Variants in COL14A1 observed in about 807,000 individuals in gnomAD.
COL14A1 encodes the protein collagen type XIV alpha 1 chain.
COL14A1 carries 136 observed loss-of-function variants against 230.3 expected under a neutral mutation model. The ratio of observed to expected loss-of-function variants is 0.59; its 90% CI spans 0.51 to 0.68. The LOEUF (loss-of-function observed/expected upper bound fraction) is 0.68, where lower values mean the gene tolerates loss of function less well. Ranked by LOEUF, COL14A1 falls within the 30% of genes least tolerant of loss-of-function variation. The pLI is 0.00. For synonymous variants in COL14A1, 792 were observed against 784.1 expected (o/e 1.01, Z -0.17); for missense variants, 1,976 against 2,215.8 (o/e 0.89, Z 2.17).
chr8:120,256,765 G>C (rs1157093660), intron 23 of COL14A1, among the ~76,000 whole-genome samples: 1 of 152,160 alleles, frequency 6.6e-6, no homozygotes, highest in Admixed American at 6.5e-5. Flanking sequence ...TAATATGGAA[G>C]GGTTGGCATT....
chr8:120,333,181 C>T (rs1821929769), intron 42 of COL14A1, among the ~76,000 whole-genome samples: 1 of 152,220 alleles, frequency 6.6e-6, no homozygotes, highest in African/African-American at 2.4e-5. Flanking sequence ...CACACACTCA[C>T]ACATAAGTGA....
intron 14 of COL14A1, among the ~76,000 whole-genome samples, chr8:120,224,323 C>A (rs1186751970): frequency 6.6e-6 from 1 of 152,024 alleles, no homozygotes; most frequent in African/African-American, 2.4e-5. Flanking sequence ...TCGTGTAGCA[C>A]AATATCTAAT....
At position 120,226,687 on chromosome 8, in the gene COL14A1, T is replaced by C. The variant is rs1485911360; in HGVS notation, c.1925T>C (p.Val642Ala). Residue 642 changes from valine (V) to alanine (A), a missense_variant, in exon 16 of 48, where the codon GTG becomes GCG. By Grantham distance (64) the Val-to-Ala change is moderately conservative. Around this residue, in one of 3 missense-constraint regions of COL14A1, gnomAD observed 1,791 missense variants for 2,019.5 expected, o/e 0.89. Coordinates refer to ENST00000297848, the MANE Select transcript of COL14A1 (RefSeq NM_021110.4). ...IDEVTTDSFR[V>A]TWHPLSADEG... ...GAGGTGACGACAGACAGTTTTAGGGTGACCTGGCATCCCCTCTCAGCTGAT... is the reference window on the plus strand; with the variant it reads ...GAGGTGACGACAGACAGTTTTAGGGCGACCTGGCATCCCCTCTCAGCTGAT... 1 of 1,613,884 alleles carries C rather than the reference T, an allele frequency of 6.2e-7. No individual in the cohort carries two copies. Among genetic ancestry groups the C allele is most frequent in the African/African-American group, 1.3e-5 (1 of 75,020 alleles).
Position 120,310,071 on chromosome 8 carries a change from C to T in COL14A1, c.4455+9C>T, listed in dbSNP as rs367953428. On this transcript the variant is annotated intron_variant, in intron 37 of 47. Transcript: ENST00000297848. ...GTGAACCGGGTCCAAAGGTAATGCG[C>T]ATGTTTTCTCTCTCTCTCTGTCTCA... The T allele has an allele frequency of 4.3e-6, 7 of 1,612,754 alleles. No individual in the cohort carries two copies. The highest frequency in any genetic ancestry group is 4.0e-5 in the African/African-American group (3 of 75,000).
intron 18 of COL14A1, among the ~76,000 whole-genome samples, chr8:120,230,813 G>A (rs1003476172): frequency 7.9e-5 from 12 of 152,124 alleles, no homozygotes; most frequent in Non-Finnish European, 1.2e-4. Context: ...ATGGACAAAG[G>A]GAAATGAAGT....
intron 25 of COL14A1, among the ~76,000 whole-genome samples, chr8:120,269,319 A>C (rs1470482860): frequency 2.0e-5 from 3 of 151,784 alleles, no homozygotes; most frequent in Non-Finnish European, 4.4e-5. Flanking sequence ...TGTTCTCAGT[A>C]GAGTAGGTTT....
At chr8:120,154,530 A>G (rs996774559) in intron 2 of COL14A1, among the ~76,000 whole-genome samples, 5 of 152,140 alleles carry the variant, frequency 3.3e-5, no homozygotes, top group African/African-American at 9.7e-5. Flanking sequence ...CTTCCCCCTC[A>G]GTCTCCCTTT....
At chr8:120,274,956 A>T (rs1243641362) in intron 26 of COL14A1, among the ~76,000 whole-genome samples, 1 of 148,146 alleles carries the variant, frequency 6.8e-6, no homozygotes, top group African/African-American at 2.5e-5. Flanking sequence ...TCCTATACAA[A>T]TATCAACATC....
chr8:120,214,751 A>T (rs1817698836), intron 13 of COL14A1, among the ~76,000 whole-genome samples: 1 of 145,360 alleles, frequency 6.9e-6, no homozygotes, highest in Non-Finnish European at 1.5e-5. Context: ...GGGGAGAGAG[A>T]CAATAAGCCA....
chr8:120,227,703 A>G (rs1358037581), intron 17 of COL14A1, among the ~76,000 whole-genome samples: 1 of 152,192 alleles, frequency 6.6e-6, no homozygotes, highest in Admixed American at 6.5e-5. Context: ...TAATTTACAA[A>G]TGAATAGATT....
chr8:120,129,806 G>A (rs116366442), intron 1 of COL14A1, among the ~76,000 whole-genome samples: 1,590 of 152,234 alleles, frequency 0.01, 28 homozygotes, highest in African/African-American at 0.036. Flanking sequence ...CATTAACTGC[G>A]AGCTGTACAC....
chr8:120,158,025 G>T (rs1815537645), intron 2 of COL14A1, 105 bp from the exon 3 acceptor site: 1 of 619,114 alleles, frequency 1.6e-6, no homozygotes, highest in East Asian at 2.9e-5. Context: ...TGAGGCTGAT[G>T]AAGTCTTTTG....
In COL14A1 at chr8:120,194,029, C is replaced by T. The variant is rs139215699; in HGVS notation, c.437-2762C>T. 4.6e-3 allele frequency among the ~76,000 whole-genome samples: 697 copies of T among 152,330 alleles called. 5 individuals carry two copies. The highest frequency in any genetic ancestry group is 0.013 in the African/African-American group (550 of 41,574). On this transcript the variant is annotated intron_variant, in intron 5 of 47. Transcript: ENST00000297848. ...GGTGAGGCAATGCCTCGCCCTGCTT[C>T]GGCTCGCGCACGGTGCGCTGCACCC...
chr8:120,143,618 G>A (rs1814991865), intron 1 of COL14A1, among the ~76,000 whole-genome samples: 2 of 152,020 alleles, frequency 1.3e-5, no homozygotes, highest in Non-Finnish European at 2.9e-5. Flanking sequence ...GCAACAGAGC[G>A]AGACTCCATC....
rs1402828586 is a variant in COL14A1 at position 120,280,953 on chromosome 8, G to A, written c.3718G>A (p.Glu1240Lys). ...GATGATGGAAATGTTTGGTTTGGTT[G>A]AAAAAGATTTTTCATCAGTGGAAGG... ...FKMMEMFGLVEKDFSSVEGVS... is the reference protein window; with the variant it reads ...FKMMEMFGLVKKDFSSVEGVS... The change falls in exon 31 of 48, where the codon GAA becomes AAA. Residue 1240 changes from glutamate to lysine, a missense_variant. Physicochemically the swap from Glu to Lys is moderately conservative, Grantham distance 56. Around this residue, in one of 3 missense-constraint regions of COL14A1, gnomAD observed 1,791 missense variants for 2,019.5 expected, o/e 0.89. Transcript: ENST00000297848. 2 of 1,596,592 alleles carry A rather than the reference G, an allele frequency of 1.3e-6. No homozygotes were observed. Among genetic ancestry groups the A allele is most frequent in the Non-Finnish European group, 1.7e-6 (2 of 1,169,100 alleles).
At position 120,194,091 on chromosome 8, in the gene COL14A1, G is replaced by C. The variant is rs534775084; in HGVS notation, c.437-2700G>C. Reference sequence around the variant, plus strand: ...CCCACTGTCCGGCACTCCCTAGTGGGATGAACCCGGTACCTCAGATGGAAA... The same window carrying C: ...CCCACTGTCCGGCACTCCCTAGTGGCATGAACCCGGTACCTCAGATGGAAA... On this transcript the variant is annotated intron_variant, in intron 5 of 47. Transcript: ENST00000297848. Among the ~76,000 whole-genome samples the C allele has an allele frequency of 1.2e-4, 18 of 152,304 alleles. No homozygotes were observed. In the South Asian group the frequency reaches 3.7e-3, roughly 32 times the overall value.
At chr8:120,307,600 T>C (rs1326742022) in intron 36 of COL14A1, among the ~76,000 whole-genome samples, 4 of 152,112 alleles carry the variant, frequency 2.6e-5, no homozygotes, top group African/African-American at 9.7e-5. Flanking sequence ...AATGGAAAAC[T>C]GAGTAAAGTA....
At chr8:120,200,589 AC>A (rs1317308062) in intron 8 of COL14A1, among the ~76,000 whole-genome samples, 1 of 150,782 alleles carries the variant, frequency 6.6e-6, no homozygotes, top group African/African-American at 2.4e-5. Flanking sequence ...TTAAAACCAT[AC>A]CCAGTTCTGT....
At chr8:120,315,882 G>A in intron 39 of COL14A1, 62 bp from the exon 40 acceptor site, 4 of 1,549,610 alleles carry the variant, frequency 2.6e-6, no homozygotes, top group Non-Finnish European at 3.6e-6. Context: ...TTTCAGGGAA[G>A]CTGCGTGAGC....
Sources: allele counts gnomAD v4.1 joint callset (sites outside exome capture counted in the v4.1 genomes callset), GRCh38; gene constraint gnomAD v4.1.1; regional missense constraint gnomAD v4.1.1; transcripts MANE v1.5; gene names NCBI Gene and HGNC (gene_info 2026-07-23, HGNC 2026-07-21).